Variants in SORCS3 observed in about 807,000 individuals in gnomAD.
SORCS3 encodes the protein sortilin related VPS10 domain containing receptor 3.
SORCS3 carries 57 observed loss-of-function variants against 146.3 expected under a neutral mutation model. The ratio of observed to expected loss-of-function variants is 0.39; its 90% CI spans 0.31 to 0.49. The LOEUF (loss-of-function observed/expected upper bound fraction) is 0.49, where lower values mean the gene tolerates loss of function less well. SORCS3 is among the 20% of genes least tolerant of loss of function. The pLI is 0.92. For missense variants in SORCS3, 1,341 were observed against 1,575.5 expected, an observed-to-expected ratio of 0.85 and a Z score of 2.52; for synonymous variants, 653 against 618.5, an observed-to-expected ratio of 1.06 and a Z score of -0.83.
chr10:104,924,634 A>G (rs1299579934), intron 3 of SORCS3, among the ~76,000 whole-genome samples: 1 of 152,180 alleles, frequency 6.6e-6, no homozygotes, highest in East Asian at 1.9e-4. Flanking sequence ...GGTCCCTGGG[A>G]GGTGGGCTAT....
chr10:105,137,737 A>G (rs996393018), intron 7 of SORCS3, among the ~76,000 whole-genome samples: 2 of 152,216 alleles, frequency 1.3e-5, no homozygotes, highest in Non-Finnish European at 2.9e-5. Flanking sequence ...GACTCTGCAG[A>G]TGGGCCTTAG....
chr10:105,214,278 G>A (rs955934585), intron 17 of SORCS3, among the ~76,000 whole-genome samples, 164 bp from the exon 18 acceptor site: 3 of 152,204 alleles, frequency 2.0e-5, no homozygotes, highest in East Asian at 3.9e-4. Context: ...GTTCAGCTTC[G>A]TAAATGACTG....
intron 1 of SORCS3, among the ~76,000 whole-genome samples, chr10:104,659,412 A>G (rs1031415027): frequency 2.3e-4 from 35 of 152,206 alleles, no homozygotes; most frequent in African/African-American, 8.4e-4. Context: ...CTTTTAGTCC[A>G]GTGCTCTTTC....
chr10:105,144,953 CAG>C (rs1324164907), intron 8 of SORCS3, among the ~76,000 whole-genome samples: 1 of 152,120 alleles, frequency 6.6e-6, no homozygotes, highest in East Asian at 1.9e-4. Context: ...TTATATATTT[CAG>C]AGTGTTTCAA....
intron 2 of SORCS3, among the ~76,000 whole-genome samples, chr10:104,885,366 A>G (rs1022759700): frequency 2.6e-5 from 4 of 152,194 alleles, no homozygotes; most frequent in Non-Finnish European, 5.9e-5. Context: ...GAGCATACAC[A>G]CTTGTGTTTC....
At chr10:104,670,234 C>CAA in intron 1 of SORCS3, among the ~76,000 whole-genome samples, 1 of 152,092 alleles carries the variant, frequency 6.6e-6, no homozygotes, top group East Asian at 1.9e-4. Flanking sequence ...TCACAAACTC[C>CAA]AATTTTTCTC....
At chr10:104,712,299 C>G (rs1028467516) in intron 1 of SORCS3, among the ~76,000 whole-genome samples, 1 of 152,206 alleles carries the variant, frequency 6.6e-6, no homozygotes, top group African/African-American at 2.4e-5. Context: ...GAGCCCAATT[C>G]TAGTTGCTTA....
chr10:105,007,807 C>T (rs186926987), intron 4 of SORCS3, among the ~76,000 whole-genome samples: 1 of 152,104 alleles, frequency 6.6e-6, no homozygotes, highest in Non-Finnish European at 1.5e-5. Flanking sequence ...TGATGAGTAA[C>T]CCATGGCCTG....
In SORCS3 at chr10:105,043,110, C is replaced by A; in HGVS notation, c.1010C>A (p.Thr337Lys). The stretch of plus-strand genomic sequence containing the variant: ...TGGCAACTCATGCATGAACGCATCA[C>A]ACCCAACAGGTTTTATTGGTAAGCC... ...RRWQLMHERITPNRFYWSVAG... is the reference protein window; with the variant it reads ...RRWQLMHERIKPNRFYWSVAG... The change falls in exon 5 of 27, where the codon ACA becomes AAA. Residue 337 changes from threonine (T) to lysine (K), a missense_variant. Thr to Lys is a moderately conservative substitution (Grantham distance 78). Coordinates refer to ENST00000369701, the MANE Select transcript of SORCS3 (RefSeq NM_014978.3). 1 of 1,613,794 alleles carries A rather than the reference C, an allele frequency of 6.2e-7. No homozygotes were observed. The highest frequency in any genetic ancestry group is 8.5e-7 in the Non-Finnish European group (1 of 1,179,736).
chr10:105,060,873 G>A (rs1235667120), intron 5 of SORCS3, among the ~76,000 whole-genome samples: 2 of 151,764 alleles, frequency 1.3e-5, no homozygotes, highest in Non-Finnish European at 2.9e-5. Context: ...GGAGGCGGAG[G>A]TTGTGGTGAG....
At chr10:104,887,482 T>C (rs2018701048) in intron 2 of SORCS3, among the ~76,000 whole-genome samples, 1 of 152,178 alleles carries the variant, frequency 6.6e-6, no homozygotes, top group Admixed American at 6.5e-5. Flanking sequence ...AGAAGGGATG[T>C]TAGAAGGCTG....
At chr10:104,788,530 T>C (rs2017463031) in intron 1 of SORCS3, among the ~76,000 whole-genome samples, 1 of 152,198 alleles carries the variant, frequency 6.6e-6, no homozygotes, top group Non-Finnish European at 1.5e-5. Context: ...ATAAGAAACC[T>C]GTAATCCTGT....
chr10:104,648,210 C>G (rs1424899273), intron 1 of SORCS3, among the ~76,000 whole-genome samples: 1 of 152,178 alleles, frequency 6.6e-6, no homozygotes, highest in Non-Finnish European at 1.5e-5. Flanking sequence ...AATGTCAAGA[C>G]TGGAAGTGCA....
At chr10:104,988,388 G>A (rs557757588) in intron 4 of SORCS3, among the ~76,000 whole-genome samples, 79 of 152,264 alleles carry the variant, frequency 5.2e-4, no homozygotes, top group African/African-American at 1.8e-3. Flanking sequence ...TTTCTCAGCT[G>A]GTGGCAGTTT....
At chr10:104,749,665 A>C (rs374473716) in intron 1 of SORCS3, among the ~76,000 whole-genome samples, 9 of 152,326 alleles carry the variant, frequency 5.9e-5, no homozygotes, top group African/African-American at 1.4e-4. Context: ...AACTTCCTCA[A>C]GGTTACACCA....
chr10:105,041,346 A>G (rs950398932), intron 4 of SORCS3, among the ~76,000 whole-genome samples: 4 of 147,844 alleles, frequency 2.7e-5, no homozygotes, highest in African/African-American at 7.4e-5. Flanking sequence ...TCAAACCTAT[A>G]ACACAGCTAG....
At chr10:105,240,505 T>C (rs1458362235) in intron 20 of SORCS3, among the ~76,000 whole-genome samples, 1 of 152,214 alleles carries the variant, frequency 6.6e-6, no homozygotes, top group Non-Finnish European at 1.5e-5. Context: ...GCTTGTTCTA[T>C]CACATGTCTA....
At chr10:104,853,202 C>A (rs545168278) in intron 2 of SORCS3, among the ~76,000 whole-genome samples, 2 of 152,216 alleles carry the variant, frequency 1.3e-5, no homozygotes, top group Admixed American at 6.5e-5. Context: ...AGGAAGCTGA[C>A]GCAGGAGAGT....
At chr10:105,123,162 G>T (rs962004086) in intron 7 of SORCS3, among the ~76,000 whole-genome samples, 1 of 152,216 alleles carries the variant, frequency 6.6e-6, no homozygotes. Context: ...GTGAGGGGCC[G>T]TATGAGCTTC....
Sources: gnomAD v4.1 joint callset for allele counts (sites outside exome capture counted in the v4.1 genomes callset) on GRCh38, gnomAD v4.1.1 for gene constraint, MANE v1.5 for transcripts, NCBI Gene and HGNC (gene_info 2026-07-23, HGNC 2026-07-21) for gene names.